NAA15: variants seen among roughly 807,000 people sequenced by gnomAD.
NAA15 encodes N-alpha-acetyltransferase 15, NatA auxiliary subunit.
Under a neutral mutation model 114.0 loss-of-function variants are expected in NAA15, and 34 were observed. The observed-to-expected ratio is 0.30, with a 90% CI of 0.23 to 0.40. The LOEUF (loss-of-function observed/expected upper bound fraction) is 0.40, where lower values mean the gene tolerates loss of function less well. Among genes scored for constraint, NAA15 ranks in the 10% least tolerant of loss-of-function variants. The probability of loss-of-function intolerance (pLI) is 1.00; values close to 1 mark genes in which losing one functional copy is unlikely to be tolerated. For missense variants in NAA15, 658 were observed against 1,004.5 expected, an observed-to-expected ratio of 0.66 and a Z score of 4.66; for synonymous variants, 340 against 338.0, an observed-to-expected ratio of 1.01 and a Z score of -0.06.
intron 4 of NAA15, 83 bp from the exon 5 acceptor site, chr4:139,342,743 T>A: frequency 1.5e-6 from 2 of 1,358,654 alleles, no homozygotes; most frequent in Non-Finnish European, 2.0e-6. Context: ...CCACTGCGCC[T>A]GGCCTAATAT....
At chr4:139,357,229 C>T (rs556275482) in intron 10 of NAA15, among the ~76,000 whole-genome samples, 157 bp from the exon 11 acceptor site, 189 of 152,116 alleles carry the variant, frequency 1.2e-3, no homozygotes, top group Non-Finnish European at 1.5e-3. Context: ...TGGACCTTTC[C>T]AAAGATCTTA....
chr4:139,320,180 GTGGAAAA>G (rs201396524), intron 1 of NAA15, among the ~76,000 whole-genome samples: 1,801 of 152,252 alleles, frequency 0.012, 12 homozygotes, highest in East Asian at 0.029. Flanking sequence ...CTTAAATCCT[GTGGAAAA>G]TGTTGATAAT....
chr4:139,360,123 C>T (rs973668101), intron 12 of NAA15, among the ~76,000 whole-genome samples: 8 of 152,080 alleles, frequency 5.3e-5, no homozygotes, highest in Admixed American at 3.9e-4. Context: ...TATTCATGTA[C>T]GTTCAGATAA....
rs775375543 is a variant in NAA15, at chr4:139,386,160, C to T, written c.2330C>T (p.Pro777Leu). 2.7e-5 allele frequency: 43 copies of T among 1,607,844 alleles called. No homozygotes were observed. In the African/African-American group the frequency reaches 5.1e-4, roughly 19 times the overall value. The change falls in exon 19 of 20, where the codon CCT becomes CTT. Residue 777 changes from proline to leucine, a missense_variant. Coordinates refer to ENST00000296543, the MANE Select transcript of NAA15 (RefSeq NM_057175.5). ...GCCAAAATGGTATATTACTTAGATC[C>T]TTCTAGTCAGAAGCGAGCTATAGAG... Reference protein sequence around the residue: ...SAAKMVYYLDPSSQKRAIELA... With the variant: ...SAAKMVYYLDLSSQKRAIELA...
At chr4:139,304,622 C>G (rs79257846) in intron 1 of NAA15, among the ~76,000 whole-genome samples, 1 of 152,134 alleles carries the variant, frequency 6.6e-6, no homozygotes. Context: ...TATAGTTATA[C>G]TGTATTTTAA....
chr4:139,325,066 G>T (rs972689799), intron 1 of NAA15, among the ~76,000 whole-genome samples: 2 of 152,104 alleles, frequency 1.3e-5, no homozygotes, highest in Non-Finnish European at 2.9e-5. Context: ...TAAGTATGAT[G>T]AAGTAAAAAG....
chr4:139,346,054 T>C (rs1239373810), intron 6 of NAA15, among the ~76,000 whole-genome samples: 1 of 152,074 alleles, frequency 6.6e-6, no homozygotes, highest in Non-Finnish European at 1.5e-5. Context: ...AAGTTTTTGT[T>C]TGTTTGTTTG....
intron 2 of NAA15, among the ~76,000 whole-genome samples, chr4:139,336,003 C>T (rs1443998339): frequency 6.6e-6 from 1 of 152,130 alleles, no homozygotes; most frequent in Non-Finnish European, 1.5e-5. Flanking sequence ...AAGTGATCTG[C>T]CCACCTTGGC....
At chr4:139,321,306 T>A (rs1468676322) in intron 1 of NAA15, among the ~76,000 whole-genome samples, 2 of 151,968 alleles carry the variant, frequency 1.3e-5, no homozygotes, top group Non-Finnish European at 2.9e-5. Flanking sequence ...TTCTGTTTCT[T>A]CTTAAAAAAA....
chr4:139,351,320 CT>C, intron 8 of NAA15, 34 bp downstream of exon 8: 2 of 1,420,832 alleles, frequency 1.4e-6, no homozygotes, highest in Non-Finnish European at 2.0e-6. Flanking sequence ...AATAGAAATG[CT>C]TTTATGATTT....
chr4:139,321,785 C>T (rs1746625596), intron 1 of NAA15, among the ~76,000 whole-genome samples: 1 of 151,802 alleles, frequency 6.6e-6, no homozygotes, highest in South Asian at 2.1e-4. Context: ...GCCTGGCCCC[C>T]TCATTTGTTT....
Position 139,361,837 on chromosome 4 carries a change from T to A in NAA15, c.1653T>A (p.His551Gln), listed in dbSNP as rs752490254. Residue 551 changes from histidine to glutamine, a missense_variant, in exon 14 of 20, where the codon CAT becomes CAA. Physicochemically the swap from His to Gln is conservative, Grantham distance 24. Transcript: ENST00000296543. Reference sequence around the variant, plus strand: ...AACTAGAAGATGTACTTCGACAGCATCCATTTTACTTCAAGGCAGCAAGAA... The same window carrying A: ...AACTAGAAGATGTACTTCGACAGCAACCATTTTACTTCAAGGCAGCAAGAA... Reference protein sequence around the residue: ...LLKLEDVLRQHPFYFKAARIA... With the variant: ...LLKLEDVLRQQPFYFKAARIA... 2 of 1,613,654 alleles carry A rather than the reference T, an allele frequency of 1.2e-6. No homozygotes were observed.
chr4:139,380,552 C>A (rs931933536), intron 17 of NAA15, among the ~76,000 whole-genome samples: 1 of 152,104 alleles, frequency 6.6e-6, no homozygotes, highest in Non-Finnish European at 1.5e-5. Flanking sequence ...TGAGTGTTTT[C>A]TTTCAGCAGT....
chr4:139,346,142 CAT>C (rs981454405), intron 6 of NAA15, among the ~76,000 whole-genome samples: 5 of 152,062 alleles, frequency 3.3e-5, no homozygotes, highest in African/African-American at 1.2e-4. Context: ...GAGAGAATGT[CAT>C]GTGGTAGATT....
At chr4:139,365,828 G>A (rs530032175) in intron 14 of NAA15, among the ~76,000 whole-genome samples, 4 of 152,172 alleles carry the variant, frequency 2.6e-5, no homozygotes, top group Non-Finnish European at 4.4e-5. Flanking sequence ...CAGCCTGGAC[G>A]ACAGAGTGAG....
intron 9 of NAA15, among the ~76,000 whole-genome samples, chr4:139,352,731 G>C (rs1458480637): frequency 7.0e-6 from 1 of 142,250 alleles, no homozygotes; most frequent in Non-Finnish European, 1.5e-5. Flanking sequence ...GCAATGGCGT[G>C]ATCTCAGCTC....
intron 3 of NAA15, among the ~76,000 whole-genome samples, chr4:139,340,443 A>C (rs1372389370): frequency 6.6e-6 from 1 of 152,238 alleles, no homozygotes; most frequent in Non-Finnish European, 1.5e-5. Flanking sequence ...TTGTTAGTTC[A>C]AGAAAATAAA....
At chr4:139,327,664 CGTTTTGTTTT>C (rs1398226545) in intron 1 of NAA15, among the ~76,000 whole-genome samples, 3 of 151,842 alleles carry the variant, frequency 2.0e-5, no homozygotes, top group South Asian at 2.1e-4. Flanking sequence ...TATTTGTTTT[CGTTTTGTTTT>C]GTTTTGTTTG....
At chr4:139,319,295 A>G (rs1354029302) in intron 1 of NAA15, among the ~76,000 whole-genome samples, 1 of 151,186 alleles carries the variant, frequency 6.6e-6, no homozygotes, top group Non-Finnish European at 1.5e-5. Context: ...TCTAGTAGAG[A>G]TGGGTTTTCA....
Sources: allele counts gnomAD v4.1 joint callset (sites outside exome capture counted in the v4.1 genomes callset), GRCh38; gene constraint gnomAD v4.1.1; transcripts MANE v1.5; gene names NCBI Gene and HGNC (gene_info 2026-07-23, HGNC 2026-07-21).